Variants in PSMF1 observed in about 807,000 individuals in gnomAD.
PSMF1 encodes the protein proteasome inhibitor subunit 1.
Under a neutral mutation model 29.3 loss-of-function variants are expected in PSMF1, and 30 were observed. The observed-to-expected ratio is 1.02, with a 90% CI of 0.77 to 1.39. The LOEUF (loss-of-function observed/expected upper bound fraction) is 1.39, where lower values mean the gene tolerates loss of function less well. PSMF1 is among the 40% of genes most tolerant of loss of function. The probability of loss-of-function intolerance (pLI) is 0.00; values close to 1 mark genes in which losing one functional copy is unlikely to be tolerated. For missense variants in PSMF1, 344 were observed against 357.5 expected, an observed-to-expected ratio of 0.96 and a Z score of 0.31; for synonymous variants, 134 against 139.7, an observed-to-expected ratio of 0.96 and a Z score of 0.29.
At chr20:1,147,362 G>A (rs924522979) in intron 4 of PSMF1, among the ~76,000 whole-genome samples, 8 of 152,286 alleles carry the variant, frequency 5.3e-5, no homozygotes, top group Admixed American at 2.6e-4. Flanking sequence ...GCTTCTCAGC[G>A]TTATCTCGCT....
intron 1 of PSMF1, among the ~76,000 whole-genome samples, chr20:1,119,685 C>G (rs1481200899): frequency 3.3e-5 from 5 of 152,190 alleles, no homozygotes; most frequent in African/African-American, 9.7e-5. Context: ...GACTGCTGGA[C>G]CCAACCCACC....
intron 3 of PSMF1, among the ~76,000 whole-genome samples, chr20:1,128,847 G>A (rs1335167455): frequency 6.6e-6 from 1 of 151,736 alleles, no homozygotes; most frequent in Non-Finnish European, 1.5e-5. Flanking sequence ...TTACAGGTGT[G>A]CACCACCACA....
rs1299317125 is a variant in PSMF1, at chr20:1,160,801, A to G, written c.552-2329A>G. 2.1e-5 allele frequency: 9 copies of G among 437,962 alleles called. No individual in the cohort carries two copies. The East Asian group carries it at 5.6e-4, about 27-fold the overall frequency. The allele number at this position is 437,962 out of a possible 1,614,324, so 27.1% of individuals were successfully genotyped here. On this transcript the variant is annotated intron_variant, in intron 4 of 6. Coordinates refer to ENST00000335877, the MANE Select transcript of PSMF1 (RefSeq NM_006814.5). ...CTGACGATGAAGTACCCCATCGAGCACAGGATTTTCACCAGCTGGGAAGGC... is the reference window on the plus strand; with the variant it reads ...CTGACGATGAAGTACCCCATCGAGCGCAGGATTTTCACCAGCTGGGAAGGC...
Position 1,168,887 on chromosome 20 carries a change from A to C in PSMF1, c.*3807A>C, listed in dbSNP as rs1018057198. On this transcript the variant is annotated 3_prime_UTR_variant, in exon 7 of 7. Transcript: ENST00000335877. Reference sequence around the variant, plus strand: ...GAAGATTCCCCACATGTATATCCCCAGCTGTTTCTGTCATAAAACTTGCAT... The same window carrying C: ...GAAGATTCCCCACATGTATATCCCCCGCTGTTTCTGTCATAAAACTTGCAT... Among the ~76,000 whole-genome samples, 1 of 152,196 alleles carries C rather than the reference A, an allele frequency of 6.6e-6. No individual in the cohort carries two copies. The highest frequency in any genetic ancestry group is 1.5e-5 in the Non-Finnish European group (1 of 68,036).
At chr20:1,129,707 G>A (rs1032418600) in intron 3 of PSMF1, among the ~76,000 whole-genome samples, 2 of 152,222 alleles carry the variant, frequency 1.3e-5, no homozygotes, top group South Asian at 2.1e-4. Flanking sequence ...CAAGGATGTG[G>A]AGAAATTGGA....
rs935431456 is a variant in PSMF1, at chr20:1,165,695, A to G, written c.*615A>G. 2.5e-5 allele frequency: 25 copies of G among 1,000,492 alleles called. No individual in the cohort carries two copies. The highest frequency in any genetic ancestry group is 2.9e-5 in the Non-Finnish European group (24 of 838,242). The allele number at this position is 1,000,492 out of a possible 1,614,324, so 62.0% of individuals were successfully genotyped here. On this transcript the variant is annotated 3_prime_UTR_variant, in exon 7 of 7. Transcript: ENST00000335877. Reference sequence around the variant, plus strand: ...TGAGTGACTGGAAATCCCATAGGCCACAAGAATGACTTTCACAAGGGCAGG... The same window carrying G: ...TGAGTGACTGGAAATCCCATAGGCCGCAAGAATGACTTTCACAAGGGCAGG...
chr20:1,165,118 TCTC>T lies in PSMF1; in HGVS notation c.*41_*43del, dbSNP rs1358368722. On this transcript the variant is annotated 3_prime_UTR_variant, in exon 7 of 7. Transcript: ENST00000335877. Reference sequence around the variant, plus strand: ...TGTAACATCCCAGGCTTCCCTCCATTCTCCTGGAGCTGCCACCGCTGTCCCCAT... The same window carrying T: ...TGTAACATCCCAGGCTTCCCTCCATTCTGGAGCTGCCACCGCTGTCCCCAT... The T allele has an allele frequency of 6.2e-7, 1 of 1,613,820 alleles. No individual in the cohort carries two copies. Among genetic ancestry groups the T allele is most frequent in the African/African-American group, 1.3e-5 (1 of 74,930 alleles).
chr20:1,171,914 TTGAG>T lies in PSMF1; in HGVS notation c.*6839_*6842del, dbSNP rs2086794121. Among the ~76,000 whole-genome samples the T allele has an allele frequency of 1.3e-5, 2 of 152,178 alleles. No homozygotes were observed. The highest frequency in any genetic ancestry group is 4.8e-5 in the African/African-American group (2 of 41,438). ...GTTTCTTGGTTCCCAGGACAGAAATTTGAGTGAGAAGCATGTGAAGAGAGGGATG... is the reference window on the plus strand; with the variant it reads ...GTTTCTTGGTTCCCAGGACAGAAATTTGAGAAGCATGTGAAGAGAGGGATG... On this transcript the variant is annotated 3_prime_UTR_variant, in exon 7 of 7. Transcript: ENST00000335877.
At chr20:1,136,814 A>G (rs2086312775) in intron 4 of PSMF1, among the ~76,000 whole-genome samples, 1 of 152,236 alleles carries the variant, frequency 6.6e-6, no homozygotes, top group South Asian at 2.1e-4. Context: ...TTGAAATGGT[A>G]AACAGCTGTT....
At chr20:1,144,092 A>C (rs189711711) in intron 4 of PSMF1, among the ~76,000 whole-genome samples, 119 of 152,126 alleles carry the variant, frequency 7.8e-4, no homozygotes, top group African/African-American at 2.5e-3. Context: ...CGTCCCCCCC[A>C]AAAAAAGAAA....
chr20:1,166,150 A>AC lies in PSMF1; in HGVS notation c.*1071dup. Reference sequence around the variant, plus strand: ...GGGCTGCCTCTGAGTGTGGTGTTGAACTTCGGGAGGAGCAGGGAGCCCTGC... The same window carrying AC: ...GGGCTGCCTCTGAGTGTGGTGTTGAACCTTCGGGAGGAGCAGGGAGCCCTGC... On this transcript the variant is annotated 3_prime_UTR_variant, in exon 7 of 7. Transcript: ENST00000335877. 1 of 1,584,566 alleles carries AC rather than the reference A, an allele frequency of 6.3e-7. No homozygotes were observed. The highest frequency in any genetic ancestry group is 8.6e-7 in the Non-Finnish European group (1 of 1,165,732).
chr20:1,121,789 A>C (rs1226645841), intron 1 of PSMF1, among the ~76,000 whole-genome samples: 1 of 152,234 alleles, frequency 6.6e-6, no homozygotes, highest in Non-Finnish European at 1.5e-5. Flanking sequence ...AAACCAGTGC[A>C]GCCACTGGCT....
chr20:1,135,414 C>G lies in PSMF1; in HGVS notation c.551+108C>G, dbSNP rs1374436280. On this transcript the variant is annotated intron_variant, in intron 4 of 6. Transcript: ENST00000335877. ...ATCCCTGGCCCGTATGTGTTTTCAA[C>G]AAAATGATCAGTGTCTTGGGGTGCA... The G allele has an allele frequency of 2.5e-6, 3 of 1,196,220 alleles. No individual in the cohort carries two copies. In the African/African-American group the frequency reaches 4.6e-5, roughly 19 times the overall value. 74.1% of individuals were successfully genotyped at this position (1,196,220 alleles called of 1,614,324 possible). A position where few individuals can be genotyped will look rare whatever the true frequency, so the allele number is the denominator to read the frequency against.
upstream of PSMF1, among the ~76,000 whole-genome samples, chr20:1,115,395 G>A (rs2122415528): frequency 6.6e-6 from 1 of 152,352 alleles, no homozygotes; most frequent in South Asian, 2.1e-4. Flanking sequence ...CAGACAAGGA[G>A]TAGGTACATT....
chr20:1,142,850 A>G (rs190287494), intron 4 of PSMF1, among the ~76,000 whole-genome samples: 1 of 152,344 alleles, frequency 6.6e-6, no homozygotes, highest in Non-Finnish European at 1.5e-5. Flanking sequence ...CGCCACACTG[A>G]CTTCCACAAT....
At chr20:1,154,863 T>A (rs2086574068) in intron 4 of PSMF1, among the ~76,000 whole-genome samples, 1 of 152,194 alleles carries the variant, frequency 6.6e-6, no homozygotes, top group Admixed American at 6.5e-5. Flanking sequence ...AGAAGCCTGG[T>A]GTGCAGACAG....
At chr20:1,118,932 A>G in intron 1 of PSMF1, 30 bp downstream of exon 1, 1 of 1,611,448 alleles carries the variant, frequency 6.2e-7, no homozygotes, top group South Asian at 1.1e-5. Flanking sequence ...AGGGTGGAGG[A>G]GGGAACTGTC....
rs2086694390 is a variant in PSMF1 at position 1,163,653 on chromosome 20, TGA to T, written c.605+471_605+472del. Among the ~76,000 whole-genome samples, 1 of 152,242 alleles carries T rather than the reference TGA, an allele frequency of 6.6e-6. No individual in the cohort carries two copies. Among genetic ancestry groups the T allele is most frequent in the Admixed American group, 6.5e-5 (1 of 15,290 alleles). On this transcript the variant is annotated intron_variant, in intron 5 of 6. Coordinates refer to ENST00000335877, the MANE Select transcript of PSMF1 (RefSeq NM_006814.5). The surrounding 1 kb of genome is among the most constrained non-coding windows in gnomAD (Gnocchi z 6.1). ...ATAGATTTTAACCTCTGCTACAAAG[TGA>T]CCCCGACTTCAGCATCTCATTTGTA...
rs1600136207 is a variant in PSMF1, at chr20:1,119,015, C to G, written c.129+113C>G. 2.1e-6 allele frequency: 3 copies of G among 1,415,594 alleles called. No individual in the cohort carries two copies. The East Asian group carries it at 7.0e-5, about 33-fold the overall frequency. The allele number at this position is 1,415,594 out of a possible 1,614,324, so 87.7% of individuals were successfully genotyped here. ...TTCCCCGCTTCTCCCAGTGCAGGGT[C>G]TGGGGCAGATGGCAGCGTTGGTAAA... is the stretch of plus-strand genomic sequence containing the variant. On this transcript the variant is annotated intron_variant, in intron 1 of 6. Coordinates refer to ENST00000335877, the MANE Select transcript of PSMF1 (RefSeq NM_006814.5).
Sources: allele counts gnomAD v4.1 joint callset (sites outside exome capture counted in the v4.1 genomes callset), GRCh38; gene constraint gnomAD v4.1.1; non-coding constraint Gnocchi (gnomAD v3.1); transcripts MANE v1.5; gene names NCBI Gene and HGNC (gene_info 2026-07-23, HGNC 2026-07-21).